The following ZCCHC24 variants were observed in gnomAD, a reference collection of about 807,000 sequenced individuals.
ZCCHC24 encodes zinc finger CCHC-type containing 24, also known as zinc finger CCHC domain-containing protein 24.
ZCCHC24 carries 10 observed loss-of-function variants against 26.2 expected under a neutral mutation model. The ratio of observed to expected loss-of-function variants is 0.38; its 90% CI spans 0.24 to 0.65. ZCCHC24 has a LOEUF of 0.65. Ranked by LOEUF, ZCCHC24 falls within the 30% of genes least tolerant of loss-of-function variation. The pLI, the probability that ZCCHC24 is intolerant of heterozygous loss-of-function variation, is 0.54. For synonymous variants in ZCCHC24, 144 were observed against 147.1 expected (o/e 0.98, Z 0.15); for missense variants, 243 against 329.1 (o/e 0.74, Z 2.03).
At chr10:79,400,464 G>A (rs1242229295) in intron 2 of ZCCHC24, among the ~76,000 whole-genome samples, 1 of 152,234 alleles carries the variant, frequency 6.6e-6, no homozygotes, top group Non-Finnish European at 1.5e-5. Context: ...ATAAGCAACC[G>A]AAGATAACCG....
intron 1 of ZCCHC24, among the ~76,000 whole-genome samples, chr10:79,435,981 T>C (rs1047864059): frequency 6.6e-6 from 1 of 152,156 alleles, no homozygotes; most frequent in African/African-American, 2.4e-5. Flanking sequence ...CAGTGTAAAA[T>C]GGAGCGGGGA....
chr10:79,396,810 C>T (rs574579570), intron 2 of ZCCHC24, among the ~76,000 whole-genome samples: 76 of 152,328 alleles, frequency 5.0e-4, no homozygotes, highest in Admixed American at 2.2e-3. Context: ...GTTAAGGGCA[C>T]ACGCTCTGGA....
intron 2 of ZCCHC24, among the ~76,000 whole-genome samples, chr10:79,416,818 G>A (rs1258530129): frequency 6.6e-6 from 1 of 152,202 alleles, no homozygotes; most frequent in Non-Finnish European, 1.5e-5. Flanking sequence ...GGGATAAGAA[G>A]AGTGTCCAGC....
chr10:79,430,673 T>TCA (rs150924599), intron 2 of ZCCHC24, among the ~76,000 whole-genome samples: 3 of 131,124 alleles, frequency 2.3e-5, no homozygotes, highest in Non-Finnish European at 5.2e-5. Context: ...GCACATACAC[T>TCA]CACACACACA....
rs10160149 is a variant in ZCCHC24, at chr10:79,437,542, T to A, written c.247-4784A>T. ...AACGCAGCCAGCACGTGTTGCCCTG[T>A]TATATTTCAGCCTCTACATGGCCTC... is the stretch of plus-strand genomic sequence containing the variant. On this transcript the variant is annotated intron_variant, in intron 1 of 3. Transcript: ENST00000372336. 3.5e-3 allele frequency among the ~76,000 whole-genome samples: 526 copies of A among 152,304 alleles called. 3 individuals are homozygous for A. Among genetic ancestry groups the A allele is most frequent in the African/African-American group, 0.012 (509 of 41,566 alleles).
In ZCCHC24 at chr10:79,432,599, G is replaced by A. The variant is rs1485366320; in HGVS notation, c.406C>T (p.Leu136=). The change falls in exon 2 of 4, where the codon CTG becomes TTG. Residue 136 remains leucine (L), a synonymous_variant. Transcript: ENST00000372336. ...KRPPPNYLCH[L]CFNKGHYIKD... Reference sequence around the variant, plus strand: ...ATGTAGTGTCCTTTGTTGAAGCACAGGTGGCACAGGTAGTTGGGTGGGGGC... The same window carrying A: ...ATGTAGTGTCCTTTGTTGAAGCACAAGTGGCACAGGTAGTTGGGTGGGGGC... 1.2e-6 allele frequency: 2 copies of A among 1,607,514 alleles called. No homozygotes were observed. Among genetic ancestry groups the A allele is most frequent in the East Asian group, 4.5e-5 (2 of 44,480 alleles).
At chr10:79,396,950 C>T (rs909634649) in intron 2 of ZCCHC24, among the ~76,000 whole-genome samples, 2 of 152,190 alleles carry the variant, frequency 1.3e-5, no homozygotes, top group African/African-American at 4.8e-5. Flanking sequence ...CAGTGCCTGG[C>T]ACACAGAAGA....
chr10:79,404,361 T>G (rs1856679703), intron 2 of ZCCHC24, among the ~76,000 whole-genome samples: 1 of 152,202 alleles, frequency 6.6e-6, no homozygotes, highest in Admixed American at 6.5e-5. Flanking sequence ...GTTATCTGTT[T>G]CCTGCTCTGG....
At chr10:79,411,351 G>C (rs1471609656) in intron 2 of ZCCHC24, among the ~76,000 whole-genome samples, 3 of 152,204 alleles carry the variant, frequency 2.0e-5, no homozygotes, top group African/African-American at 7.2e-5. Context: ...CCCTGCAGGT[G>C]AGCAAATAGG....
In ZCCHC24 at chr10:79,445,285, C is replaced by A; in HGVS notation, c.156G>T (p.Glu52Asp). The A allele has an allele frequency of 6.7e-7, 1 of 1,481,726 alleles. No homozygotes were observed. The highest frequency in any genetic ancestry group is 9.0e-7 in the Non-Finnish European group (1 of 1,114,306). The allele number at this position is 1,481,726 out of a possible 1,614,324, so 91.8% of individuals were successfully genotyped here. The change falls in exon 1 of 4, where the codon GAG (glutamate) becomes GAT (aspartate). Residue 52 changes from glutamate (E) to aspartate (D), a missense_variant. Glu to Asp is a conservative substitution (Grantham distance 45). Around this residue, in one of 2 missense-constraint regions of ZCCHC24, gnomAD observed 147 missense variants for 150.8 expected, o/e 0.97. Transcript: ENST00000372336. ...CGGGGCGGCCCTTGCCGAAGGCCAG[C>A]TCCGGGGGTGCGGCGCCGGCGGTCG... Reference protein sequence around the residue: ...PEPTAGAAPPELAFGKGRPEQ... With the variant: ...PEPTAGAAPPDLAFGKGRPEQ...
chr10:79,391,322 G>T (rs1168350425), intron 3 of ZCCHC24, among the ~76,000 whole-genome samples: 1 of 152,116 alleles, frequency 6.6e-6, no homozygotes, highest in Non-Finnish European at 1.5e-5. Flanking sequence ...GGCGAGGCAG[G>T]TGGGGCCGTT....
rs547034023 is a variant in ZCCHC24, at chr10:79,386,111, G to A, written c.*234C>T. The stretch of plus-strand genomic sequence containing the variant: ...TCCCCTCCACTGAGACCCCAGGCCC[G>A]CCTGCAAAAAGCCCCAGACTCCCTG... On this transcript the variant is annotated 3_prime_UTR_variant, in exon 4 of 4. Transcript: ENST00000372336. 171 of 590,626 alleles carry A rather than the reference G, an allele frequency of 2.9e-4. No individual in the cohort carries two copies. The highest frequency in any genetic ancestry group is 1.8e-3 in the East Asian group (66 of 36,046). 36.6% of individuals were successfully genotyped at this position (590,626 alleles called of 1,614,324 possible).
At chr10:79,410,567 G>A (rs773745733) in intron 2 of ZCCHC24, among the ~76,000 whole-genome samples, 1 of 152,224 alleles carries the variant, frequency 6.6e-6, no homozygotes, top group Admixed American at 6.5e-5. Flanking sequence ...GCTAGACCAC[G>A]GGAAGCATGG....
chr10:79,405,972 C>G (rs1268755279), intron 2 of ZCCHC24, among the ~76,000 whole-genome samples: 1 of 152,236 alleles, frequency 6.6e-6, no homozygotes, highest in Non-Finnish European at 1.5e-5. Context: ...ATCACCTCCT[C>G]TCTCTGGGAT....
intron 2 of ZCCHC24, among the ~76,000 whole-genome samples, chr10:79,430,681 A>AAAC (rs1857112502): frequency 4.7e-5 from 6 of 127,110 alleles, no homozygotes; most frequent in African/African-American, 1.6e-4. Flanking sequence ...ACTCACACAC[A>AAAC]CACACCACAC....
At chr10:79,394,692 GAT>G (rs1371075711) in intron 2 of ZCCHC24, 1 of 949,524 alleles carries the variant, frequency 1.1e-6, no homozygotes, top group East Asian at 1.2e-4. Context: ...GTCTCTTCTA[GAT>G]TTAAGGGGTA....
At chr10:79,391,899 C>T (rs1232875982) in intron 3 of ZCCHC24, among the ~76,000 whole-genome samples, 1 of 151,322 alleles carries the variant, frequency 6.6e-6, no homozygotes, top group African/African-American at 2.4e-5. Context: ...CCCCCACTAC[C>T]TCATCGACAG....
chr10:79,386,495 G>A (rs1182827067), intron 3 of ZCCHC24, 37 bp from the exon 4 acceptor site: 12 of 1,520,404 alleles, frequency 7.9e-6, no homozygotes, highest in South Asian at 1.2e-5. Flanking sequence ...AGGGGAGTGA[G>A]GGGAGAGAAA....
intron 2 of ZCCHC24, among the ~76,000 whole-genome samples, chr10:79,419,900 T>C (rs572884140): frequency 6.6e-6 from 1 of 152,114 alleles, no homozygotes; most frequent in Admixed American, 6.5e-5. Context: ...CCATCGAGAT[T>C]CCTGGGGACT....
Sources: allele counts gnomAD v4.1 joint callset (sites outside exome capture counted in the v4.1 genomes callset), GRCh38; gene constraint gnomAD v4.1.1; regional missense constraint gnomAD v4.1.1; transcripts MANE v1.5; gene names NCBI Gene and HGNC (gene_info 2026-07-23, HGNC 2026-07-21).